Variants in DAB1 observed in about 807,000 individuals in gnomAD.
The protein encoded by DAB1 is DAB adaptor protein 1.
DAB1 carries 15 observed loss-of-function variants against 64.6 expected under a neutral mutation model. That is an observed-to-expected ratio of 0.23 (90% CI 0.16 to 0.36). The LOEUF is 0.36. DAB1 is among the 10% of genes least tolerant of loss of function. The probability of loss-of-function intolerance (pLI) is 1.00; values close to 1 mark genes in which losing one functional copy is unlikely to be tolerated. For synonymous variants in DAB1, 235 were observed against 251.9 expected, an observed-to-expected ratio of 0.93 and a Z score of 0.64; for missense variants, 596 against 706.7, an observed-to-expected ratio of 0.84 and a Z score of 1.78.
chr1:57,902,139 G>A (rs1270140157), intron 5 of DAB1, among the ~76,000 whole-genome samples: 1 of 145,110 alleles, frequency 6.9e-6, no homozygotes, highest in Non-Finnish European at 1.5e-5. Flanking sequence ...CCTGATCGAC[G>A]GAGTGAGATC....
rs115248547 is a variant in DAB1 at position 57,908,024 on chromosome 1, T to C, written n.388-23862A>G. 1.9e-3 allele frequency among the ~76,000 whole-genome samples: 286 copies of C among 152,024 alleles called. 1 individual carries two copies. The highest frequency in any genetic ancestry group is 6.7e-3 in the African/African-American group (277 of 41,474). ...CTCTCCCCTACTTGATCTGCAATAA[T>C]AACATCAAGTATCTATAGATGCTCT... On this transcript the variant is annotated intron_variant and non_coding_transcript_variant, in intron 5 of 20. Transcript: ENST00000485760.
At chr1:57,990,390 G>T (rs1191292292) in intron 5 of DAB1, among the ~76,000 whole-genome samples, 4 of 152,184 alleles carry the variant, frequency 2.6e-5, no homozygotes, top group African/African-American at 9.7e-5. Context: ...AGCCCAACTT[G>T]ATTTAATTTA....
intron 4 of DAB1, among the ~76,000 whole-genome samples, chr1:58,220,991 ATTT>A (rs10714614): frequency 0.25 from 30,549 of 122,174 alleles, 3,798 homozygotes; most frequent in East Asian, 0.45. Context: ...TATGAGATTG[ATTT>A]TTTTTTTTTT....
At chr1:57,607,310 C>T (rs1423454420) in intron 7 of DAB1, among the ~76,000 whole-genome samples, 1 of 152,158 alleles carries the variant, frequency 6.6e-6, no homozygotes, top group Non-Finnish European at 1.5e-5. Context: ...CAATTACATT[C>T]CCTACCAGTC....
At chr1:58,207,439 C>T (rs1658338647) in intron 4 of DAB1, among the ~76,000 whole-genome samples, 1 of 152,162 alleles carries the variant, frequency 6.6e-6, no homozygotes, top group African/African-American at 2.4e-5. Context: ...AAGCAATGTG[C>T]TCAGCAAGCA....
rs143081508 is a variant in DAB1 at position 57,400,873 on chromosome 1, G to T, written c.-137+23057C>A. Among the ~76,000 whole-genome samples the T allele has an allele frequency of 1.8e-3, 281 of 152,046 alleles. 2 individuals carry two copies. Among genetic ancestry groups the T allele is most frequent in the Non-Finnish European group, 2.5e-3 (169 of 67,994 alleles). ...CTCAAACCTAATTTTCTAGAGGACAGCACAATTCTCATTGATTTGGGGAGA... is the reference window on the plus strand; with the variant it reads ...CTCAAACCTAATTTTCTAGAGGACATCACAATTCTCATTGATTTGGGGAGA... On this transcript the variant is annotated intron_variant, in intron 1 of 14. Coordinates refer to ENST00000371236, the MANE Select transcript of DAB1 (RefSeq NM_001365792.1).
chr1:58,373,239 G>A (rs959907863), intron 3 of DAB1, among the ~76,000 whole-genome samples: 6 of 145,340 alleles, frequency 4.1e-5, no homozygotes, highest in Non-Finnish European at 7.5e-5. Flanking sequence ...AGTTACATAT[G>A]TATACATGTG....
At chr1:58,066,687 T>A (rs573621360) in intron 5 of DAB1, among the ~76,000 whole-genome samples, 2 of 152,256 alleles carry the variant, frequency 1.3e-5, no homozygotes, top group Admixed American at 6.5e-5. Flanking sequence ...GGGTGGCACC[T>A]CTGACTATTG....
intron 7 of DAB1, among the ~76,000 whole-genome samples, chr1:57,462,976 T>A (rs1221576587): frequency 6.6e-6 from 1 of 152,056 alleles, no homozygotes; most frequent in Non-Finnish European, 1.5e-5. Flanking sequence ...GAGATCAAGA[T>A]AAATAGATTA....
chr1:57,488,728 C>T (rs1326393196), intron 7 of DAB1, among the ~76,000 whole-genome samples: 1 of 151,886 alleles, frequency 6.6e-6, no homozygotes. Flanking sequence ...TATATAGGTG[C>T]TGCACTGCCA....
intron 4 of DAB1, among the ~76,000 whole-genome samples, chr1:58,290,594 T>A (rs1661795135): frequency 2.6e-5 from 4 of 152,192 alleles, no homozygotes; most frequent in Admixed American, 2.0e-4. Context: ...CACAGATGAT[T>A]AAAACGAAGG....
chr1:57,508,713 G>A (rs1439987447), intron 7 of DAB1, among the ~76,000 whole-genome samples: 1 of 152,182 alleles, frequency 6.6e-6, no homozygotes, highest in African/African-American at 2.4e-5. Flanking sequence ...ATAGGCTGTA[G>A]TTTGCTGATG....
chr1:57,194,863 A>G (rs185362349), intron 2 of DAB1, among the ~76,000 whole-genome samples: 110 of 152,340 alleles, frequency 7.2e-4, no homozygotes, highest in Middle Eastern at 3.4e-3. Flanking sequence ...CACAGCAATC[A>G]GACACGAGAA....
At chr1:57,277,393 A>T (rs768348518) in intron 2 of DAB1, among the ~76,000 whole-genome samples, 5 of 152,182 alleles carry the variant, frequency 3.3e-5, no homozygotes, top group Admixed American at 6.5e-5. Context: ...TCCTACAAAC[A>T]TATATATCAT....
At chr1:57,943,098 G>T (rs994493831) in intron 5 of DAB1, among the ~76,000 whole-genome samples, 4 of 152,086 alleles carry the variant, frequency 2.6e-5, no homozygotes, top group Non-Finnish European at 4.4e-5. Flanking sequence ...CTTGCTGGAG[G>T]TCACACAGCT....
intron 2 of DAB1, among the ~76,000 whole-genome samples, chr1:57,254,113 G>A (rs773812727): frequency 1.1e-4 from 17 of 152,312 alleles, no homozygotes; most frequent in Non-Finnish European, 1.9e-4. Context: ...GCCACTGAAA[G>A]CAGTCCCAGG....
At position 58,085,595 on chromosome 1, in the gene DAB1, T is replaced by C. The variant is rs572608030; in HGVS notation, n.387+64916A>G. Among the ~76,000 whole-genome samples the C allele has an allele frequency of 2.0e-5, 3 of 152,084 alleles. No homozygotes were observed. The South Asian group carries it at 6.2e-4, about 32-fold the overall frequency. On this transcript the variant is annotated intron_variant and non_coding_transcript_variant, in intron 5 of 20. Transcript: ENST00000485760. ...GTTGCCCAGGCTGGTCTTGAACTCC[T>C]GGACTCAAGCAATCCCCCCATCTCA...
chr1:58,259,385 ACC>A (rs1661002011), intron 4 of DAB1, among the ~76,000 whole-genome samples: 1 of 152,146 alleles, frequency 6.6e-6, no homozygotes, highest in African/African-American at 2.4e-5. Flanking sequence ...TTGGTATCTT[ACC>A]CATTGTTCAG....
At chr1:58,227,857 A>T (rs1463154327) in intron 4 of DAB1, among the ~76,000 whole-genome samples, 2 of 152,114 alleles carry the variant, frequency 1.3e-5, no homozygotes, top group Non-Finnish European at 2.9e-5. Context: ...CTGACAAAAC[A>T]GTTTCTGAGA....
Sources: gnomAD v4.1 joint callset for allele counts (sites outside exome capture counted in the v4.1 genomes callset) on GRCh38, gnomAD v4.1.1 for gene constraint, MANE v1.5 for transcripts, NCBI Gene and HGNC (gene_info 2026-07-23, HGNC 2026-07-21) for gene names.